Variants in CRTAP observed in about 807,000 individuals in gnomAD.
The protein encoded by CRTAP is cartilage-associated protein.
CRTAP carries 33 observed loss-of-function variants against 42.7 expected under a neutral mutation model. That is an observed-to-expected ratio of 0.77 (90% CI 0.59 to 1.03). The LOEUF is 1.03. Ranked by LOEUF, CRTAP falls within the 50% of genes least tolerant of loss-of-function variation. CRTAP has a pLI of 0.00. For synonymous variants in CRTAP, 243 were observed against 217.7 expected, an observed-to-expected ratio of 1.12 and a Z score of -1.02; for missense variants, 613 against 533.9, an observed-to-expected ratio of 1.15 and a Z score of -1.46.
At chr3:33,133,814 G>A (rs1288072472) in intron 5 of CRTAP, among the ~76,000 whole-genome samples, 6 of 152,102 alleles carry the variant, frequency 3.9e-5, no homozygotes. Context: ...TCACCACTTA[G>A]CATGTGTTGT....
chr3:33,130,734 A>G (rs138351171), intron 4 of CRTAP, among the ~76,000 whole-genome samples: 4 of 151,962 alleles, frequency 2.6e-5, no homozygotes, highest in African/African-American at 9.7e-5. Flanking sequence ...TGGTTTCACT[A>G]TCTTGGCCAG....
At position 33,132,689 on chromosome 3, in the gene CRTAP, C is replaced by T. The variant is rs1260984041; in HGVS notation, c.1057C>T (p.Gln353Ter). 1 of 1,613,994 alleles carries T rather than the reference C, an allele frequency of 6.2e-7. No individual in the cohort carries two copies. The highest frequency in any genetic ancestry group is 8.5e-7 in the Non-Finnish European group (1 of 1,179,932). ...TTGGGGCCTCTCGGATGAGCACTTC[C>T]AGCCCAGACCTGTAAGTCTGGTGCA... The part of the protein sequence containing the change: ...DTWGLSDEHF[Q>*]PRPEAVQFFN... Residue 353 changes from glutamine to a stop codon, truncating the protein, a stop_gained, in exon 5 of 7, where the codon CAG becomes TAG. Coordinates refer to ENST00000320954, the MANE Select transcript of CRTAP (RefSeq NM_006371.5). LOFTEE classifies it high-confidence loss of function.
chr3:33,125,493 T>TTTTG (rs2030033722), intron 3 of CRTAP, among the ~76,000 whole-genome samples: 1 of 138,304 alleles, frequency 7.2e-6, no homozygotes, highest in African/African-American at 2.8e-5. Flanking sequence ...CAAAGTAGGT[T>TTTTG]TTTTTTTTTT....
chr3:33,129,827 G>T, intron 3 of CRTAP, 112 bp from the exon 4 acceptor site: 1 of 1,086,836 alleles, frequency 9.2e-7, no homozygotes, highest in Non-Finnish European at 1.4e-6. Context: ...GTGAGCCACC[G>T]CGCCCGGCCT....
chr3:33,130,503 TTTTC>T (rs1344121012), intron 4 of CRTAP, among the ~76,000 whole-genome samples: 4 of 151,330 alleles, frequency 2.6e-5, no homozygotes, highest in Non-Finnish European at 5.9e-5. Flanking sequence ...TTCTTTTCTT[TTTTC>T]TTTCTTTCTT....
At chr3:33,137,814 C>G (rs1367909265) in intron 6 of CRTAP, among the ~76,000 whole-genome samples, 1 of 152,170 alleles carries the variant, frequency 6.6e-6, no homozygotes, top group Non-Finnish European at 1.5e-5. Flanking sequence ...TTTACTCCTA[C>G]GATTTTTGTA....
chr3:33,120,430 A>G lies in CRTAP; in HGVS notation c.558A>G (p.Ala186=), dbSNP rs35357409. The G allele has an allele frequency of 5.8e-3, 9,300 of 1,613,268 alleles. 351 individuals are homozygous for G. The African/African-American group carries it at 0.094, about 16-fold the overall frequency. ...ACGAAATGATGAAGAGGAACATGGC[A>G]TATTATAAGAGCCTGCCTGGTGCCG... The part of the protein sequence containing the change: ...PDDEMMKRNM[A]YYKSLPGAED... The change falls in exon 2 of 7, where the codon GCA becomes GCG. Residue 186 remains alanine, a synonymous_variant. Transcript: ENST00000320954.
In CRTAP at chr3:33,114,263, G is replaced by C; in HGVS notation, c.186G>C (p.Glu62Asp). 6.3e-7 allele frequency: 1 copy of C among 1,583,790 alleles called. No individual in the cohort carries two copies. The highest frequency in any genetic ancestry group is 8.5e-7 in the Non-Finnish European group (1 of 1,171,700). Reference sequence around the variant, plus strand: ...AGTACAGCGGCGAGCACTGGGCCGAGAGCGTGGGCTACCTGGAGATCAGCC... The same window carrying C: ...AGTACAGCGGCGAGCACTGGGCCGACAGCGTGGGCTACCTGGAGATCAGCC... The part of the protein sequence containing the change: ...LDKYSGEHWA[E>D]SVGYLEISLR... Residue 62 changes from glutamate to aspartate, a missense_variant, in exon 1 of 7, where the codon GAG (glutamate) becomes GAC (aspartate). Transcript: ENST00000320954.
In CRTAP at chr3:33,114,566, C is replaced by A. The variant is rs759716355; in HGVS notation, c.471+18C>A. 41 of 1,560,134 alleles carry A rather than the reference C, an allele frequency of 2.6e-5. No homozygotes were observed. The African/African-American group carries it at 4.3e-4, about 16-fold the overall frequency. On this transcript the variant is annotated intron_variant, in intron 1 of 6. Transcript: ENST00000320954. Reference sequence around the variant, plus strand: ...ACTTCAAGGCAAGTCCGCCTCGCCCCGTCCCAGGCCCCGGCCCCGCCCCTG... The same window carrying A: ...ACTTCAAGGCAAGTCCGCCTCGCCCAGTCCCAGGCCCCGGCCCCGCCCCTG...
intron 6 of CRTAP, among the ~76,000 whole-genome samples, chr3:33,141,729 A>G (rs1040826030): frequency 6.6e-6 from 1 of 152,176 alleles, no homozygotes; most frequent in Non-Finnish European, 1.5e-5. Flanking sequence ...AGAGAAGTCA[A>G]TGTGGAGAAA....
chr3:33,146,824 C>T lies in CRTAP; in HGVS notation c.*4376C>T, dbSNP rs2030735201. 6.6e-6 allele frequency: 1 copy of T among 152,284 alleles called. No individual in the cohort carries two copies. 9.4% of individuals were successfully genotyped at this position (152,284 alleles called of 1,614,324 possible). ...TGGTGAAATAAACAGTGACCAGTTTCTGCCAACATTTATGGAAATAACGTT... is the reference window on the plus strand; with the variant it reads ...TGGTGAAATAAACAGTGACCAGTTTTTGCCAACATTTATGGAAATAACGTT... On this transcript the variant is annotated 3_prime_UTR_variant, in exon 7 of 7. Transcript: ENST00000320954.
chr3:33,142,358 A>G (rs1329521034), intron 6 of CRTAP, 37 bp from the exon 7 acceptor site: 1 of 1,561,602 alleles, frequency 6.4e-7, no homozygotes, highest in East Asian at 2.2e-5. Flanking sequence ...AAAGTCCAAT[A>G]GCCCATTTAA....
chr3:33,129,861 T>C, intron 3 of CRTAP, 78 bp from the exon 4 acceptor site: 1 of 1,463,004 alleles, frequency 6.8e-7, no homozygotes, highest in South Asian at 1.1e-5. Flanking sequence ...TTTTAACTTT[T>C]TCATTTGGGC....
intron 2 of CRTAP, among the ~76,000 whole-genome samples, chr3:33,122,436 G>A (rs1249603468): frequency 1.3e-5 from 2 of 151,868 alleles, no homozygotes; most frequent in African/African-American, 4.8e-5. Flanking sequence ...TCGGCCAGGC[G>A]CGGTCCTCAT....
intron 3 of CRTAP, among the ~76,000 whole-genome samples, chr3:33,125,715 A>G (rs1008730236): frequency 6.6e-6 from 1 of 152,040 alleles, no homozygotes; most frequent in Non-Finnish European, 1.5e-5. Flanking sequence ...TTCATTTGTA[A>G]TATTTCAGTA....
Position 33,144,367 on chromosome 3 carries a change from A to G in CRTAP, c.*1919A>G, listed in dbSNP as rs4429578. 6,239 of 152,302 alleles carry G rather than the reference A, an allele frequency of 0.041. 371 individuals are homozygous for G. The highest frequency in any genetic ancestry group is 0.13 in the African/African-American group (5,324 of 41,530). 9.4% of individuals were successfully genotyped at this position (152,302 alleles called of 1,614,324 possible). On this transcript the variant is annotated 3_prime_UTR_variant, in exon 7 of 7. Coordinates refer to ENST00000320954, the MANE Select transcript of CRTAP (RefSeq NM_006371.5). ...ATGGGAGGTTCTGGCTGCAAATCAA[A>G]GTGGAGAGTTCTCTCAGGTCAGGTC...
Position 33,146,409 on chromosome 3 carries a change from T to A in CRTAP, c.*3961T>A, listed in dbSNP as rs2030724835. On this transcript the variant is annotated 3_prime_UTR_variant, in exon 7 of 7. Transcript: ENST00000320954. ...AACAGGAGGCACCCGCTGGGAAGGGTCTAAAGATACTCCTTGTGGCCACTG... is the reference window on the plus strand; with the variant it reads ...AACAGGAGGCACCCGCTGGGAAGGGACTAAAGATACTCCTTGTGGCCACTG... 1 of 152,214 alleles carries A rather than the reference T, an allele frequency of 6.6e-6. No individual in the cohort carries two copies. The highest frequency in any genetic ancestry group is 1.5e-5 in the Non-Finnish European group (1 of 68,106). 9.4% of individuals were successfully genotyped at this position (152,214 alleles called of 1,614,324 possible).
rs564528355 is a variant in CRTAP at position 33,143,395 on chromosome 3, G to A, written c.*947G>A. On this transcript the variant is annotated 3_prime_UTR_variant, in exon 7 of 7. Coordinates refer to ENST00000320954, the MANE Select transcript of CRTAP (RefSeq NM_006371.5). The stretch of plus-strand genomic sequence containing the variant: ...CACTTTGCATCTCCAAAATTACAAC[G>A]GTTGGCCGATCCCATTTGAGGACAA... 2.0e-5 allele frequency: 3 copies of A among 152,322 alleles called. No homozygotes were observed. Among genetic ancestry groups the A allele is most frequent in the East Asian group, 1.9e-4 (1 of 5,160 alleles). The allele number at this position is 152,322 out of a possible 1,614,324, so 9.4% of individuals were successfully genotyped here.
intron 4 of CRTAP, 147 bp downstream of exon 4, chr3:33,130,214 ATGGC>A (rs2030212621): frequency 1.5e-5 from 12 of 816,630 alleles, no homozygotes; most frequent in Admixed American, 2.0e-5. Flanking sequence ...AAAAGGCAGC[ATGGC>A]TTAGTGATTC....
Sources: gnomAD v4.1 joint callset for allele counts (sites outside exome capture counted in the v4.1 genomes callset) on GRCh38, gnomAD v4.1.1 for gene constraint, MANE v1.5 for transcripts, NCBI Gene and HGNC (gene_info 2026-07-23, HGNC 2026-07-21) for gene names.